CUX1: variants seen among roughly 807,000 people sequenced by gnomAD.
CUX1 encodes the protein cut like homeobox 1, also known as protein CASP.
CUX1 carries 31 observed loss-of-function variants against 158.8 expected under a neutral mutation model. The ratio of observed to expected loss-of-function variants is 0.20; its 90% CI spans 0.15 to 0.26. CUX1 has a LOEUF of 0.26. Among genes scored for constraint, CUX1 ranks in the 10% least tolerant of loss-of-function variants. CUX1 has a pLI of 1.00. For missense variants in CUX1, 1,589 were observed against 2,014.6 expected, an observed-to-expected ratio of 0.79 and a Z score of 4.04; for synonymous variants, 879 against 862.1, an observed-to-expected ratio of 1.02 and a Z score of -0.34.
chr7:102,233,457 G>A lies in CUX1; in HGVS notation c.3434-595G>A, dbSNP rs1799205842. On this transcript the variant is annotated intron_variant, in intron 21 of 23. Transcript: ENST00000292535. ...TCTTCCCGCTTCAGCCTCCCAAAGGGCCCTTCCGGCCACCGCACCAGGCTG... is the reference window on the plus strand; with the variant it reads ...TCTTCCCGCTTCAGCCTCCCAAAGGACCCTTCCGGCCACCGCACCAGGCTG... 2.0e-5 allele frequency among the ~76,000 whole-genome samples: 3 copies of A among 152,210 alleles called. No individual in the cohort carries two copies. The South Asian group carries it at 6.2e-4, about 32-fold the overall frequency.
At position 102,248,755 on chromosome 7, in the gene CUX1, A is replaced by ACCGCCG. The variant is rs1270359152; in HGVS notation, c.4233_4238dup (p.Ala1412_Ala1413dup). On this transcript the variant is annotated inframe_insertion, in exon 24 of 24. Coordinates refer to ENST00000292535, the MANE Select transcript of CUX1 (RefSeq NM_181552.4). This position sits in a 1 kb window ranked among gnomAD's most constrained non-coding sequence, Gnocchi z 5.8. ...GCCCAGCCCCGCCTCCGCGACCGCC[A>ACCGCCG]CCGCCGCGCCCGCGGCCCCCGAGGA... 2 of 1,039,520 alleles carry ACCGCCG rather than the reference A, an allele frequency of 1.9e-6. No individual in the cohort carries two copies. The highest frequency in any genetic ancestry group is 2.3e-6 in the Non-Finnish European group (2 of 864,778). The allele number at this position is 1,039,520 out of a possible 1,614,324, so 64.4% of individuals were successfully genotyped here. A position where few individuals can be genotyped will look rare whatever the true frequency, so the allele number is the denominator to read the frequency against.
intron 2 of CUX1, among the ~76,000 whole-genome samples, chr7:102,021,829 G>T (rs1819408675): frequency 6.6e-6 from 1 of 152,066 alleles, no homozygotes; most frequent in African/African-American, 2.4e-5. Context: ...TCGAAGTGCT[G>T]GGAATACAGG....
At chr7:101,938,694 T>C (rs1807247607) in intron 2 of CUX1, among the ~76,000 whole-genome samples, 1 of 151,880 alleles carries the variant, frequency 6.6e-6, no homozygotes, top group South Asian at 2.1e-4. Flanking sequence ...TCACCCGAGG[T>C]CAGGAATTCG....
Position 102,058,278 on chromosome 7 carries a change from G to C in CUX1, c.190-12061G>C, listed in dbSNP as rs573124724. Among the ~76,000 whole-genome samples the C allele has an allele frequency of 2.6e-5, 4 of 152,000 alleles. No individual in the cohort carries two copies. In the South Asian group the frequency reaches 8.3e-4, roughly 32 times the overall value. On this transcript the variant is annotated intron_variant, in intron 3 of 23. Transcript: ENST00000292535. The stretch of plus-strand genomic sequence containing the variant: ...AATATTTGCTCTTTTTGTCATATTT[G>C]CCTTTTTTGTTCTATTTTTGAGACA...
Position 102,252,430 on chromosome 7 carries a change from G to C in CUX1, c.*3388G>C, listed in dbSNP as rs2132662580. On this transcript the variant is annotated 3_prime_UTR_variant, in exon 24 of 24. Transcript: ENST00000292535. ...CTCTATGAGTTTAAAAAGCTGATTT[G>C]TACCTCTCCCCTGGGGGAAACGGTT... 1.0e-6 allele frequency: 1 copy of C among 985,390 alleles called. No individual in the cohort carries two copies. The highest frequency in any genetic ancestry group is 6.1e-5 in the Admixed American group (1 of 16,274). 61.0% of individuals were successfully genotyped at this position (985,390 alleles called of 1,614,324 possible).
intron 1 of CUX1, among the ~76,000 whole-genome samples, chr7:101,821,441 C>G (rs1792486963): frequency 6.6e-6 from 1 of 151,650 alleles, no homozygotes; most frequent in African/African-American, 2.4e-5. Flanking sequence ...CGGGTTCACA[C>G]CATTCTCCTG....
rs1486594894 is a variant in CUX1, at chr7:102,255,329, C to G, written c.*6287C>G. On this transcript the variant is annotated 3_prime_UTR_variant, in exon 24 of 24. Transcript: ENST00000292535. ...GCTTTAACAAGACATTTCCAAAGCG[C>G]CTAGTCTCCTCCAAAATGCTAACTT... The G allele has an allele frequency of 1.0e-6, 1 of 984,536 alleles. No homozygotes were observed. The highest frequency in any genetic ancestry group is 1.2e-6 in the Non-Finnish European group (1 of 829,850). 61.0% of individuals were successfully genotyped at this position (984,536 alleles called of 1,614,324 possible).
chr7:102,216,524 ACT>A (rs1797070136), intron 20 of CUX1, among the ~76,000 whole-genome samples: 1 of 71,878 alleles, frequency 1.4e-5, no homozygotes, highest in South Asian at 5.0e-4. Flanking sequence ...GCACACACAC[ACT>A]CTCCCCCCCA....
At chr7:102,175,688 C>T (rs972672013) in intron 10 of CUX1, among the ~76,000 whole-genome samples, 15 of 152,218 alleles carry the variant, frequency 9.9e-5, no homozygotes, top group African/African-American at 3.6e-4. Context: ...CCATTCCCCC[C>T]TCCTGTGGCT....
At chr7:102,280,922 C>A in intron 20 of CUX1, 1 of 1,496,936 alleles carries the variant, frequency 6.7e-7, no homozygotes. Flanking sequence ...CTCCAGGCAC[C>A]TCTTCACCTG....
chr7:102,266,556 C>T (rs1401808695), intron 14 of CUX1, among the ~76,000 whole-genome samples: 4 of 151,974 alleles, frequency 2.6e-5, no homozygotes, highest in African/African-American at 9.7e-5. Context: ...TTGTCAATGG[C>T]ATCCCGCATG....
At position 102,189,912 on chromosome 7, in the gene CUX1, G is replaced by A. The variant is rs782523182; in HGVS notation, c.1076+41G>A. ...CCTGTGGCCCCTCACACGCTGGGGC[G>A]CATTAGGGCCATCTGCTAACAATGC... is the stretch of plus-strand genomic sequence containing the variant. On this transcript the variant is annotated intron_variant, in intron 12 of 23. Coordinates refer to ENST00000292535, the MANE Select transcript of CUX1 (RefSeq NM_181552.4). The A allele has an allele frequency of 2.3e-5, 37 of 1,599,410 alleles. 1 individual carries two copies. The highest frequency in any genetic ancestry group is 1.8e-4 in the South Asian group (16 of 90,636).
chr7:102,081,059 C>T (rs563952149), intron 4 of CUX1, among the ~76,000 whole-genome samples: 2 of 152,288 alleles, frequency 1.3e-5, no homozygotes, highest in South Asian at 2.1e-4. Context: ...GCAGAACTCC[C>T]CTGGGAGGTG....
In CUX1 at chr7:102,255,425, AAG is replaced by A. The variant is rs1319682863; in HGVS notation, c.*6385_*6386del. ...ACAAAAAAAAAAGGCTGGCGAGAGAAAGACATTTGGCTATGCATAAATGTGCA... is the reference window on the plus strand; with the variant it reads ...ACAAAAAAAAAAGGCTGGCGAGAGAAACATTTGGCTATGCATAAATGTGCA... On this transcript the variant is annotated 3_prime_UTR_variant, in exon 24 of 24. Transcript: ENST00000292535. 1 of 985,098 alleles carries A rather than the reference AAG, an allele frequency of 1.0e-6. No homozygotes were observed. The highest frequency in any genetic ancestry group is 1.2e-6 in the Non-Finnish European group (1 of 829,898). The allele number at this position is 985,098 out of a possible 1,614,324, so 61.0% of individuals were successfully genotyped here. A position where few individuals can be genotyped will look rare whatever the true frequency, so the allele number is the denominator to read the frequency against.
At chr7:102,041,478 T>TGTTGTTGAG (rs1822087375) in intron 3 of CUX1, among the ~76,000 whole-genome samples, 2 of 151,492 alleles carry the variant, frequency 1.3e-5, no homozygotes, top group African/African-American at 4.9e-5. Flanking sequence ...GGTCTTGAAC[T>TGTTGTTGAG]CCTGGCCTCA....
intron 11 of CUX1, among the ~76,000 whole-genome samples, chr7:102,183,623 C>G (rs1265008625): frequency 2.0e-5 from 3 of 152,114 alleles, no homozygotes; most frequent in Non-Finnish European, 4.4e-5. Context: ...GCCTGGACCC[C>G]AGAGATGCAG....
At chr7:102,244,846 G>C (rs552670791) in intron 23 of CUX1, among the ~76,000 whole-genome samples, 1 of 152,138 alleles carries the variant, frequency 6.6e-6, no homozygotes, top group African/African-American at 2.4e-5. Context: ...GGCATTCTGC[G>C]AGCCTTGTGT....
chr7:101,849,165 C>G (rs900957873), intron 1 of CUX1, among the ~76,000 whole-genome samples: 1 of 151,774 alleles, frequency 6.6e-6, no homozygotes, highest in Non-Finnish European at 1.5e-5. Context: ...AGCTTTTTTT[C>G]TATTTCACGT....
intron 1 of CUX1, among the ~76,000 whole-genome samples, chr7:101,852,561 T>C (rs1365790388): frequency 6.6e-6 from 1 of 150,396 alleles, no homozygotes; most frequent in Non-Finnish European, 1.5e-5. Flanking sequence ...GAGGTTGCAG[T>C]GAGCCGAGAT....
Sources: allele counts gnomAD v4.1 joint callset (sites outside exome capture counted in the v4.1 genomes callset), GRCh38; gene constraint gnomAD v4.1.1; non-coding constraint Gnocchi (gnomAD v3.1); transcripts MANE v1.5; gene names NCBI Gene and HGNC (gene_info 2026-07-23, HGNC 2026-07-21).